The following GAL3ST2 variants were observed in gnomAD, a reference collection of about 807,000 sequenced individuals.
GAL3ST2 encodes the protein beta-galactose-3-O-sulfotransferase 2.
In GAL3ST2, 16 loss-of-function variants were observed where a neutral mutation model predicts 12.9. That is an observed-to-expected ratio of 1.24 (90% CI 0.84 to 1.88). The LOEUF is 1.88. Among genes scored for constraint, GAL3ST2 ranks in the 40% most tolerant of loss-of-function variants. The pLI, the probability that GAL3ST2 is intolerant of heterozygous loss-of-function variation, is 0.00. For synonymous variants in GAL3ST2, 302 were observed against 273.9 expected (o/e 1.10, Z -1.01); for missense variants, 639 against 571.8 (o/e 1.12, Z -1.20).
intron 2 of GAL3ST2, 105 bp downstream of exon 2, chr2:241,799,259 C>T: frequency 9.8e-7 from 1 of 1,020,550 alleles, no homozygotes; most frequent in Non-Finnish European, 1.5e-6. Context: ...GGGCCTGTCT[C>T]CCTCTGGAAG....
chr2:241,804,005 A>G lies in GAL3ST2; in HGVS notation c.1036A>G (p.Lys346Glu). 1 of 1,566,312 alleles carries G rather than the reference A, an allele frequency of 6.4e-7. No homozygotes were observed. Among genetic ancestry groups the G allele is most frequent in the African/African-American group, 1.4e-5 (1 of 72,326 alleles). Reference sequence around the variant, plus strand: ...GCGCCTGCGCCCCTACCAGTCCGGCAAGGCCGACATCCTGGGTTACAACCT... The same window carrying G: ...GCGCCTGCGCCCCTACCAGTCCGGCGAGGCCGACATCCTGGGTTACAACCT... Reference protein sequence around the residue: ...DPRLRPYQSGKADILGYNLRP... With the variant: ...DPRLRPYQSGEADILGYNLRP... The change falls in exon 4 of 4, where the codon AAG (lysine) becomes GAG (glutamate). Residue 346 changes from lysine (K) to glutamate (E), a missense_variant. Coordinates refer to ENST00000192314, the MANE Select transcript of GAL3ST2 (RefSeq NM_022134.3).
Position 241,803,844 on chromosome 2 carries a change from C to T in GAL3ST2, c.875C>T (p.Ala292Val). The T allele has an allele frequency of 1.4e-6, 2 of 1,462,280 alleles. No homozygotes were observed. The highest frequency in any genetic ancestry group is 2.8e-5 in the South Asian group (2 of 72,220). The allele number at this position is 1,462,280 out of a possible 1,614,324, so 90.6% of individuals were successfully genotyped here. ...GAGCATTTCAACCGCACCCTCTGGG[C>T]GCAGCTGCGCGCCGAGCTGGGGCCG... ...LYEHFNRTLWAQLRAELGPRR... is the reference protein window; with the variant it reads ...LYEHFNRTLWVQLRAELGPRR... Residue 292 changes from alanine to valine, a missense_variant, in exon 4 of 4, where the codon GCG becomes GTG. Transcript: ENST00000192314.
chr2:241,802,101 G>A lies in GAL3ST2; in HGVS notation c.375+65G>A. 5.2e-6 allele frequency: 8 copies of A among 1,526,240 alleles called. No individual in the cohort carries two copies. The highest frequency in any genetic ancestry group is 6.2e-6 in the Non-Finnish European group (7 of 1,133,148). The allele number at this position is 1,526,240 out of a possible 1,614,324, so 94.5% of individuals were successfully genotyped here. ...GTGCCTGTGGCTGTGGGTCTGGGTG[G>A]TGTAGCCTGGAGGCTGGAGAGAAGG... On this transcript the variant is annotated intron_variant, in intron 3 of 3. Coordinates refer to ENST00000192314, the MANE Select transcript of GAL3ST2 (RefSeq NM_022134.3). The surrounding 1 kb of genome is among the most constrained non-coding windows in gnomAD (Gnocchi z 4.8).
rs1448738949 is a variant in GAL3ST2 at position 241,803,634 on chromosome 2, G to A, written c.665G>A (p.Arg222Gln). The A allele has an allele frequency of 6.4e-7, 1 of 1,553,172 alleles. No homozygotes were observed. The highest frequency in any genetic ancestry group is 8.7e-7 in the Non-Finnish European group (1 of 1,148,126). The change falls in exon 4 of 4, where the codon CGG becomes CAG. Residue 222 changes from arginine (R) to glutamine (Q), a missense_variant. Coordinates refer to ENST00000192314, the MANE Select transcript of GAL3ST2 (RefSeq NM_022134.3). ...ATCGCCGAGGTGGAGCGGCGCTTCC[G>A]GCTGGTGCTCATCGCCGAGCACCTG... ...ARIAEVERRF[R>Q]LVLIAEHLDE... is the part of the protein sequence containing the mutation.
rs1437892957 is a variant in GAL3ST2 at position 241,800,654 on chromosome 2, G to C, written c.120-1127G>C. On this transcript the variant is annotated intron_variant, in intron 2 of 3. Coordinates refer to ENST00000192314, the MANE Select transcript of GAL3ST2 (RefSeq NM_022134.3). This position sits in a 1 kb window ranked among gnomAD's most constrained non-coding sequence, Gnocchi z 5.2. The stretch of plus-strand genomic sequence containing the variant: ...CGGGGCTGGGGGTCCCTGCTCAGGG[G>C]ACAGTTACTGAAATGCGGCTCTTGT... Among the ~76,000 whole-genome samples the C allele has an allele frequency of 2.0e-5, 3 of 152,344 alleles. No individual in the cohort carries two copies. The highest frequency in any genetic ancestry group is 4.4e-5 in the Non-Finnish European group (3 of 68,034).
At chr2:241,789,871 AG>A (rs1033010209) in intron 1 of GAL3ST2, among the ~76,000 whole-genome samples, 15 of 151,992 alleles carry the variant, frequency 9.9e-5, no homozygotes, top group Non-Finnish European at 1.8e-4. Context: ...CAAAAAAAAA[AG>A]AAAGAAAAAA....
Position 241,804,051 on chromosome 2 carries a change from AG to A in GAL3ST2, c.1083del (p.Thr362ArgfsTer9). ...GYNLRPGLDN[Q>X]TLGVCQRLVM... ...AACCTCCGGCCGGGCCTGGACAACC[AG>A]ACGCTGGGCGTGTGCCAGAGGCTTG... On this transcript the variant is annotated frameshift_variant, in exon 4 of 4. Transcript: ENST00000192314. LOFTEE classifies it low-confidence loss of function (END_TRUNC). 1 of 1,559,496 alleles carries A rather than the reference AG, an allele frequency of 6.4e-7. No individual in the cohort carries two copies. The highest frequency in any genetic ancestry group is 1.4e-5 in the African/African-American group (1 of 72,606).
intron 1 of GAL3ST2, 30 bp from the exon 2 acceptor site, chr2:241,799,035 C>T (rs771079006): frequency 1.9e-6 from 3 of 1,573,196 alleles, no homozygotes; most frequent in Non-Finnish European, 2.6e-6. Flanking sequence ...ACGACCCGGA[C>T]TGGGCACTCA....
Position 241,793,697 on chromosome 2 carries a change from G to A in GAL3ST2, c.30-5368G>A, listed in dbSNP as rs1699734120. 6.6e-6 allele frequency among the ~76,000 whole-genome samples: 1 copy of A among 151,622 alleles called. No homozygotes were observed. Among genetic ancestry groups the A allele is most frequent in the Non-Finnish European group, 1.5e-5 (1 of 67,904 alleles). On this transcript the variant is annotated intron_variant, in intron 1 of 3. Coordinates refer to ENST00000192314, the MANE Select transcript of GAL3ST2 (RefSeq NM_022134.3). This position sits in a 1 kb window ranked among gnomAD's most constrained non-coding sequence, Gnocchi z 4.7. ...ACATATTGTGTATGTGTGTGTATAT[G>A]TGTATGTACGTATTGTGTATGCATG...
intron 1 of GAL3ST2, 86 bp downstream of exon 1, chr2:241,777,070 G>A (rs1699497583): frequency 1.7e-6 from 2 of 1,174,010 alleles, no homozygotes; most frequent in Non-Finnish European, 2.3e-6. Flanking sequence ...GGTTTTGTTT[G>A]TCTTTCGAAG....
chr2:241,778,643 A>C (rs1164949934), intron 1 of GAL3ST2, among the ~76,000 whole-genome samples: 3 of 152,166 alleles, frequency 2.0e-5, no homozygotes, highest in Non-Finnish European at 4.4e-5. Flanking sequence ...TAGAAAGCTT[A>C]CTTTGCCAAG....
chr2:241,784,987 G>A (rs564367278), intron 1 of GAL3ST2, among the ~76,000 whole-genome samples: 2 of 152,312 alleles, frequency 1.3e-5, no homozygotes, highest in South Asian at 4.1e-4. Flanking sequence ...ATTATATAAG[G>A]AGACCAATTT....
chr2:241,783,417 G>T (rs1428942643), intron 1 of GAL3ST2, among the ~76,000 whole-genome samples: 1 of 151,748 alleles, frequency 6.6e-6, no homozygotes, highest in Non-Finnish European at 1.5e-5. Context: ...TTCCCTTTAA[G>T]CTTTCTTACC....
chr2:241,803,228 G>A, intron 3 of GAL3ST2, 117 bp from the exon 4 acceptor site: 1 of 810,008 alleles, frequency 1.2e-6, no homozygotes, highest in East Asian at 2.8e-5. Context: ...TTCCTCGGCA[G>A]ATGTGAGGAT....
At chr2:241,797,169 C>T (rs934365685) in intron 1 of GAL3ST2, among the ~76,000 whole-genome samples, 7 of 152,190 alleles carry the variant, frequency 4.6e-5, no homozygotes, top group South Asian at 4.1e-4. Flanking sequence ...TGAAACATTA[C>T]GTGTTTGCCA....
chr2:241,786,814 A>G (rs1209590609), intron 1 of GAL3ST2, among the ~76,000 whole-genome samples: 2 of 152,158 alleles, frequency 1.3e-5, no homozygotes, highest in East Asian at 3.8e-4. Flanking sequence ...GAATCCCTCC[A>G]TGGTTACCGA....
At chr2:241,779,554 A>T (rs1299703764) in intron 1 of GAL3ST2, among the ~76,000 whole-genome samples, 1 of 151,188 alleles carries the variant, frequency 6.6e-6, no homozygotes, top group Admixed American at 6.6e-5. Context: ...ATTTTTTAGC[A>T]GGTTGTGAAG....
intron 1 of GAL3ST2, among the ~76,000 whole-genome samples, chr2:241,786,621 T>C (rs1034963914): frequency 6.6e-6 from 1 of 150,488 alleles, no homozygotes; most frequent in Non-Finnish European, 1.5e-5. Flanking sequence ...TCCAAAAAAA[T>C]AGGGAGTTGT....
At chr2:241,790,325 T>C (rs1282354542) in intron 1 of GAL3ST2, among the ~76,000 whole-genome samples, 2 of 152,240 alleles carry the variant, frequency 1.3e-5, no homozygotes, top group Non-Finnish European at 2.9e-5. Context: ...ACTGAACTGA[T>C]AGAAGACTAA....
Sources: allele counts gnomAD v4.1 joint callset (sites outside exome capture counted in the v4.1 genomes callset), GRCh38; gene constraint gnomAD v4.1.1; non-coding constraint Gnocchi (gnomAD v3.1); transcripts MANE v1.5; gene names NCBI Gene and HGNC (gene_info 2026-07-23, HGNC 2026-07-21).